The following LIPH variants were observed in gnomAD, a reference collection of about 807,000 sequenced individuals.
The protein encoded by LIPH is lipase member H.
A neutral mutation model predicts 47.6 loss-of-function variants in LIPH; 32 were observed. That is an observed-to-expected ratio of 0.67 (90% confidence interval 0.51 to 0.90). The LOEUF is 0.90. Ranked by LOEUF, LIPH falls within the 40% of genes least tolerant of loss-of-function variation. The pLI is 0.00. For missense variants in LIPH, 497 were observed against 541.4 expected (o/e 0.92, Z 0.81); for synonymous variants, 190 against 195.6 (o/e 0.97, Z 0.24).
intron 1 of LIPH, among the ~76,000 whole-genome samples, chr3:185,545,886 T>C (rs76133745): frequency 0.048 from 7,294 of 152,014 alleles, 285 homozygotes; most frequent in East Asian, 0.24. Context: ...CCAGGCACAG[T>C]GGCTTACGCC....
chr3:185,535,570 C>G (rs1202487697), intron 1 of LIPH, among the ~76,000 whole-genome samples: 1 of 150,236 alleles, frequency 6.7e-6, no homozygotes, highest in Non-Finnish European at 1.5e-5. Flanking sequence ...CTGAGCCCAC[C>G]ACACCTGGCT....
chr3:185,528,199 C>G (rs989594265), intron 3 of LIPH, among the ~76,000 whole-genome samples: 4 of 144,432 alleles, frequency 2.8e-5, no homozygotes, highest in Non-Finnish European at 4.5e-5. Context: ...GGCGGCAGAG[C>G]AAGGCTCTGT....
intron 1 of LIPH, among the ~76,000 whole-genome samples, chr3:185,547,228 AT>A (rs1720903903): frequency 1.3e-5 from 2 of 152,154 alleles, no homozygotes; most frequent in Admixed American, 1.3e-4. Context: ...CCAAACCTAC[AT>A]TACAGAAGTG....
intron 1 of LIPH, among the ~76,000 whole-genome samples, chr3:185,541,428 A>G (rs1396230912): frequency 1.4e-5 from 2 of 143,732 alleles, no homozygotes; most frequent in Admixed American, 1.4e-4. Context: ...TTGTTGAGAC[A>G]GGGTCTCACT....
chr3:185,509,843 C>CA (rs1237090717), intron 9 of LIPH, among the ~76,000 whole-genome samples: 9 of 150,056 alleles, frequency 6.0e-5, no homozygotes, highest in Middle Eastern at 3.5e-3. Flanking sequence ...ATATTCAGGG[C>CA]AAAAAAAGTA....
intron 1 of LIPH, among the ~76,000 whole-genome samples, chr3:185,540,568 A>C (rs1035969865): frequency 6.6e-6 from 1 of 152,054 alleles, no homozygotes; most frequent in Non-Finnish European, 1.5e-5. Flanking sequence ...AAATACAAAA[A>C]TTAGCCAGGC....
chr3:185,541,390 CTTTCTT>C (rs1720704791), intron 1 of LIPH, among the ~76,000 whole-genome samples: 1 of 125,102 alleles, frequency 8.0e-6, no homozygotes, highest in Non-Finnish European at 1.7e-5. Context: ...CTGGATCTTT[CTTTCTT>C]TTTTTTTTTT....
Position 185,534,873 on chromosome 3 carries a change from T to A in LIPH, c.309A>T (p.Val103=), listed in dbSNP as rs201500499. The change falls in exon 2 of 10, where the codon GTA becomes GTT. Residue 103 remains valine, a synonymous_variant. Transcript: ENST00000296252. ...CTCCTCGATTCCAATCAACAACAAC[T>A]ACGTTCATGTCTTCAACAGAGAGCA... The part of the protein sequence containing the change: ...KGLLSVEDMN[V]VVVDWNRGAT... The A allele has an allele frequency of 5.9e-5, 95 of 1,614,090 alleles. No homozygotes were observed. Among genetic ancestry groups the A allele is most frequent in the Non-Finnish European group, 1.9e-5 (22 of 1,180,028 alleles).
chr3:185,511,801 A>C, intron 8 of LIPH, 104 bp from the exon 9 acceptor site: 2 of 783,816 alleles, frequency 2.6e-6, no homozygotes, highest in Non-Finnish European at 2.2e-6. Context: ...ATTTCACCCC[A>C]TAGCCTGCAC....
Position 185,533,607 on chromosome 3 carries a change from C to T in LIPH, c.490G>A (p.Gly164Arg), listed in dbSNP as rs1217158658. 2.5e-6 allele frequency: 4 copies of T among 1,613,918 alleles called. No homozygotes were observed. The highest frequency in any genetic ancestry group is 1.1e-5 in the South Asian group (1 of 91,072). The change falls in exon 3 of 10, where the codon GGA (glycine) becomes AGA (arginine). Residue 164 changes from glycine (G) to arginine (R), a missense_variant. Coordinates refer to ENST00000296252, the MANE Select transcript of LIPH (RefSeq NM_139248.3). ...SLGAHISGFV[G>R]EMYDGWLGRI... ...CCCAGCCATCCATCGTACATCTCTCCAACAAACCCAGATATGTGGGCTCCT... is the reference window on the plus strand; with the variant it reads ...CCCAGCCATCCATCGTACATCTCTCTAACAAACCCAGATATGTGGGCTCCT...
At chr3:185,536,207 C>T (rs1720498369) in intron 1 of LIPH, among the ~76,000 whole-genome samples, 1 of 152,150 alleles carries the variant, frequency 6.6e-6, no homozygotes, top group African/African-American at 2.4e-5. Flanking sequence ...CTTGTATATC[C>T]CTCACAGTGC....
intron 5 of LIPH, 54 bp downstream of exon 5, chr3:185,524,017 C>A: frequency 1.6e-6 from 2 of 1,252,070 alleles, no homozygotes; most frequent in African/African-American, 1.5e-5. Context: ...CCACCATGCA[C>A]AGCCTCCAAA....
At chr3:185,536,066 TCCCAAAACTCCC>T (rs1462072183) in intron 1 of LIPH, among the ~76,000 whole-genome samples, 1 of 152,158 alleles carries the variant, frequency 6.6e-6, no homozygotes, top group African/African-American at 2.4e-5. Flanking sequence ...ACCCTGGAAC[TCCCAAAACTCCC>T]TTTATGCACC....
intron 3 of LIPH, among the ~76,000 whole-genome samples, chr3:185,527,788 T>TGCC (rs1720157922): frequency 6.8e-6 from 1 of 147,686 alleles, no homozygotes; most frequent in African/African-American, 2.5e-5. Context: ...ACCCTGGCTG[T>TGCC]GCCCCTGAGA....
chr3:185,520,972 C>G (rs1719883048), intron 5 of LIPH, among the ~76,000 whole-genome samples: 2 of 150,740 alleles, frequency 1.3e-5, no homozygotes. Context: ...TGGGTTCAAG[C>G]AATTCTCCTG....
intron 1 of LIPH, among the ~76,000 whole-genome samples, chr3:185,544,555 A>G (rs779473637): frequency 1.3e-5 from 2 of 150,972 alleles, no homozygotes; most frequent in African/African-American, 2.4e-5. Flanking sequence ...GCTTTTCGCC[A>G]TGTTGGCCAG....
chr3:185,550,855 A>T (rs1195626619), intron 1 of LIPH, among the ~76,000 whole-genome samples: 1 of 152,126 alleles, frequency 6.6e-6, no homozygotes, highest in East Asian at 1.9e-4. Context: ...GGCATGAGCC[A>T]CTGCGCCTGA....
chr3:185,520,703 A>G (rs1719876029), intron 5 of LIPH, among the ~76,000 whole-genome samples: 1 of 151,374 alleles, frequency 6.6e-6, no homozygotes, highest in African/African-American at 2.5e-5. Flanking sequence ...AAAAATCGAG[A>G]GAAGGATACA....
intron 3 of LIPH, among the ~76,000 whole-genome samples, chr3:185,529,848 C>T (rs1411447155): frequency 4.7e-5 from 7 of 149,506 alleles, no homozygotes; most frequent in Non-Finnish European, 1.0e-4. Flanking sequence ...CATGATTGTG[C>T]CATTGCCCTC....
Sources: allele counts gnomAD v4.1 joint callset (sites outside exome capture counted in the v4.1 genomes callset), GRCh38; gene constraint gnomAD v4.1.1; transcripts MANE v1.5; gene names NCBI Gene and HGNC (gene_info 2026-07-23, HGNC 2026-07-21).